The following VMP1 variants were observed in gnomAD, a reference collection of about 807,000 sequenced individuals.
The protein encoded by VMP1 is ectopic P-granules autophagy protein 3 homolog.
VMP1 carries 11 observed loss-of-function variants against 56.0 expected under a neutral mutation model. That is an observed-to-expected ratio of 0.20 (90% CI 0.12 to 0.32). The LOEUF (loss-of-function observed/expected upper bound fraction) is 0.32. VMP1 is among the 10% of genes least tolerant of loss of function. VMP1 has a pLI of 1.00. For synonymous variants in VMP1, 149 were observed against 165.0 expected, an observed-to-expected ratio of 0.90 and a Z score of 0.74; for missense variants, 296 against 490.3, an observed-to-expected ratio of 0.60 and a Z score of 3.74.
At chr17:59,837,425 C>T (rs2039017599) in intron 10 of VMP1, among the ~76,000 whole-genome samples, 1 of 152,098 alleles carries the variant, frequency 6.6e-6, no homozygotes, top group African/African-American at 2.4e-5. Context: ...TTTTTAAAAA[C>T]GCCTGCAAGC....
chr17:59,727,755 T>G (rs995473120), intron 1 of VMP1, among the ~76,000 whole-genome samples: 1 of 152,230 alleles, frequency 6.6e-6, no homozygotes, highest in Admixed American at 6.5e-5. Flanking sequence ...ACTCTTTTGA[T>G]GTATTGGTAT....
rs2036126982 is a variant in VMP1 at position 59,763,413 on chromosome 17, T to G, written c.415-1558T>G. Among the ~76,000 whole-genome samples, 4 of 152,084 alleles carry G rather than the reference T, an allele frequency of 2.6e-5. No homozygotes were observed. In the South Asian group the frequency reaches 8.3e-4, roughly 31 times the overall value. ...ATCTTATATAATTATTTTAATACTT[T>G]AATATTTCTGCATTTCCAAGAATTA... is the stretch of plus-strand genomic sequence containing the variant. On this transcript the variant is annotated intron_variant, in intron 5 of 11. Coordinates refer to ENST00000262291, the MANE Select transcript of VMP1 (RefSeq NM_030938.5).
chr17:59,786,485 G>T (rs1244570717), intron 7 of VMP1, among the ~76,000 whole-genome samples: 2 of 151,368 alleles, frequency 1.3e-5, no homozygotes, highest in Non-Finnish European at 3.0e-5. Flanking sequence ...TGGTGTAGAT[G>T]ATCTGAAACT....
chr17:59,714,046 GAAAAAAAAAAA>G lies in VMP1; in HGVS notation c.-27+6309_-27+6319del, dbSNP rs771155795. On this transcript the variant is annotated intron_variant, in intron 1 of 11. Transcript: ENST00000262291. ...ACTGAGCGAGACTCCGTCTTAAAAG[GAAAAAAAAAAA>G]AAAAAAAAAAGAAGGTTTCTTAGTC... Among the ~76,000 whole-genome samples, 9 of 61,782 alleles carry G rather than the reference GAAAAAAAAAAA, an allele frequency of 1.5e-4. No homozygotes were observed. In the East Asian group the frequency reaches 3.5e-3, roughly 24 times the overall value. The allele number at this position is 61,782 out of a possible 152,430, so 40.5% of individuals were successfully genotyped here.
chr17:59,743,824 G>T (rs953616485), intron 5 of VMP1, among the ~76,000 whole-genome samples: 1 of 151,840 alleles, frequency 6.6e-6, no homozygotes, highest in Non-Finnish European at 1.5e-5. Flanking sequence ...TTTCTACATA[G>T]ATAATTATGT....
At chr17:59,755,096 T>C (rs1262021233) in intron 5 of VMP1, among the ~76,000 whole-genome samples, 2 of 148,552 alleles carry the variant, frequency 1.3e-5, no homozygotes, top group South Asian at 4.2e-4. Context: ...GAAACATGCC[T>C]TCTTTTTCTT....
rs141969777 is a variant in VMP1 at position 59,800,375 on chromosome 17, T to G, written c.715-8421T>G. Among the ~76,000 whole-genome samples, 1,321 of 152,338 alleles carry G rather than the reference T, an allele frequency of 8.7e-3. 12 individuals carry two copies. Among genetic ancestry groups the G allele is most frequent in the African/African-American group, 0.029 (1,189 of 41,572 alleles). ...TCATGACAAGTCATTCCATTTCTGC[T>G]TAATAGAGTTTTCATTGCTTGGCGT... On this transcript the variant is annotated intron_variant, in intron 7 of 11. Transcript: ENST00000262291.
At chr17:59,739,933 C>T (rs1032499245) in intron 5 of VMP1, among the ~76,000 whole-genome samples, 6 of 150,858 alleles carry the variant, frequency 4.0e-5, no homozygotes, top group Non-Finnish European at 8.9e-5. Context: ...AAAAATCAGC[C>T]GAGCTTAGTG....
intron 10 of VMP1, among the ~76,000 whole-genome samples, chr17:59,836,804 A>T (rs1050086015): frequency 2.0e-5 from 3 of 151,914 alleles, no homozygotes; most frequent in African/African-American, 4.8e-5. Context: ...TAAAGAAAAG[A>T]ATCAGCCAGA....
At chr17:59,815,755 G>T (rs905992381) in intron 9 of VMP1, among the ~76,000 whole-genome samples, 15 of 151,070 alleles carry the variant, frequency 9.9e-5, no homozygotes, top group Non-Finnish European at 2.2e-4. Flanking sequence ...TACTCAGGAG[G>T]CTGAGGCAGG....
chr17:59,782,789 G>T (rs2453913), intron 7 of VMP1, among the ~76,000 whole-genome samples: 66,785 of 151,772 alleles, frequency 0.44, 17,274 homozygotes, highest in African/African-American at 0.72. Flanking sequence ...GTAAAGCCCT[G>T]TAGTAGAGTA....
intron 7 of VMP1, among the ~76,000 whole-genome samples, chr17:59,774,641 A>T (rs924882669): frequency 4.6e-5 from 7 of 152,034 alleles, no homozygotes; most frequent in Non-Finnish European, 1.0e-4. Context: ...TAATAGTAGA[A>T]CTTTTTCTTT....
In VMP1 at chr17:59,820,713, T is replaced by C. The variant is rs145323519; in HGVS notation, c.974+2940T>C. Among the ~76,000 whole-genome samples the C allele has an allele frequency of 2.4e-3, 371 of 152,338 alleles. 1 individual carries two copies. Among genetic ancestry groups the C allele is most frequent in the Non-Finnish European group, 4.3e-3 (292 of 68,030 alleles). On this transcript the variant is annotated intron_variant, in intron 10 of 11. Coordinates refer to ENST00000262291, the MANE Select transcript of VMP1 (RefSeq NM_030938.5). Reference sequence around the variant, plus strand: ...GTAAGCTTCTCAAAGGCAAAGATTGTGTCTATTTTTGTTTACTGTTATGTC... The same window carrying C: ...GTAAGCTTCTCAAAGGCAAAGATTGCGTCTATTTTTGTTTACTGTTATGTC...
chr17:59,724,380 T>C lies in VMP1; in HGVS notation c.-26-7041T>C, dbSNP rs150749727. ...GGAATCATCAATTTTAGGTTTGAGCTTTGGCATCTTAATAACTGGGCTAGG... is the reference window on the plus strand; with the variant it reads ...GGAATCATCAATTTTAGGTTTGAGCCTTGGCATCTTAATAACTGGGCTAGG... On this transcript the variant is annotated intron_variant, in intron 1 of 11. Coordinates refer to ENST00000262291, the MANE Select transcript of VMP1 (RefSeq NM_030938.5). 2.2e-3 allele frequency among the ~76,000 whole-genome samples: 330 copies of C among 152,138 alleles called. 1 individual carries two copies. The highest frequency in any genetic ancestry group is 7.2e-3 in the African/African-American group (298 of 41,520).
At chr17:59,729,760 A>G (rs1371430723) in intron 1 of VMP1, 1 of 143,844 alleles carries the variant, frequency 7.0e-6, no homozygotes, top group Non-Finnish European at 1.5e-5. Context: ...ATCTTGGCTC[A>G]CTGCAACCTC....
intron 6 of VMP1, among the ~76,000 whole-genome samples, chr17:59,765,866 G>A (rs117742617): frequency 6.6e-6 from 1 of 151,692 alleles, no homozygotes; most frequent in Non-Finnish European, 1.5e-5. Flanking sequence ...TATAAAATTT[G>A]TTCTAGTATT....
At chr17:59,801,242 TTG>T in intron 7 of VMP1, among the ~76,000 whole-genome samples, 1 of 151,250 alleles carries the variant, frequency 6.6e-6, no homozygotes. Flanking sequence ...GTTTTATCTT[TTG>T]TGTGTGTGTA....
At chr17:59,729,156 C>T (rs1326394562) in intron 1 of VMP1, among the ~76,000 whole-genome samples, 1 of 151,992 alleles carries the variant, frequency 6.6e-6, no homozygotes, top group Non-Finnish European at 1.5e-5. Flanking sequence ...TACCATATAC[C>T]GTATTTCCTA....
At chr17:59,816,402 A>G (rs924692637) in intron 9 of VMP1, among the ~76,000 whole-genome samples, 25 of 152,202 alleles carry the variant, frequency 1.6e-4, no homozygotes, top group African/African-American at 4.6e-4. Flanking sequence ...TAGCTTCATA[A>G]TATTCACATA....
Sources: gnomAD v4.1 joint callset for allele counts (sites outside exome capture counted in the v4.1 genomes callset) on GRCh38, gnomAD v4.1.1 for gene constraint, MANE v1.5 for transcripts, NCBI Gene and HGNC (gene_info 2026-07-23, HGNC 2026-07-21) for gene names.